The following SMOX variants were observed in gnomAD, a reference collection of about 807,000 sequenced individuals.
The protein encoded by SMOX is flavin containing amine oxidase.
In SMOX, 22 loss-of-function variants were observed where a neutral mutation model predicts 51.0. The ratio of observed to expected loss-of-function variants is 0.43; its 90% confidence interval spans 0.31 to 0.62. SMOX has a LOEUF of 0.62. SMOX is among the 20% of genes least tolerant of loss of function. The probability of loss-of-function intolerance (pLI) is 0.10; values close to 1 mark genes in which losing one functional copy is unlikely to be tolerated. For missense variants in SMOX, 566 were observed against 777.7 expected, an observed-to-expected ratio of 0.73 and a Z score of 3.24; for synonymous variants, 282 against 307.8, an observed-to-expected ratio of 0.92 and a Z score of 0.88.
intron 1 of SMOX, among the ~76,000 whole-genome samples, chr20:4,168,119 A>AGGGG (rs1986648702): frequency 6.3e-5 from 8 of 127,234 alleles, no homozygotes; most frequent in Non-Finnish European, 8.7e-5. Flanking sequence ...AGAGCGGGGT[A>AGGGG]GGGGTGGGGG....
chr20:4,158,493 C>T (rs1986145898), intron 1 of SMOX, among the ~76,000 whole-genome samples: 2 of 152,172 alleles, frequency 1.3e-5, no homozygotes, highest in South Asian at 2.1e-4. Flanking sequence ...TCCAGATTCC[C>T]TTCTTCTCCA....
chr20:4,156,251 C>A (rs1020977965), intron 1 of SMOX, among the ~76,000 whole-genome samples: 4 of 152,070 alleles, frequency 2.6e-5, no homozygotes, highest in African/African-American at 9.7e-5. Context: ...AATGTCCCAC[C>A]CACCAGGAAA....
chr20:4,164,165 G>T (rs1176627982), intron 1 of SMOX, among the ~76,000 whole-genome samples: 1 of 152,126 alleles, frequency 6.6e-6, no homozygotes, highest in Non-Finnish European at 1.5e-5. Context: ...TGTGGGGTAG[G>T]GTGGCTCTCT....
Position 4,187,713 on chromosome 20 carries a change from C to G in SMOX, c.*306C>G. On this transcript the variant is annotated 3_prime_UTR_variant, in exon 7 of 7. Transcript: ENST00000305958. This position sits in a 1 kb window ranked among gnomAD's most constrained non-coding sequence, Gnocchi z 4.8. ...ATTTTGGGATAATAAAAAAGGCTCC[C>G]TCCCCTGCCCCTCAGCTTCTCTCTG... 1 of 272,060 alleles carries G rather than the reference C, an allele frequency of 3.7e-6. No individual in the cohort carries two copies. Among genetic ancestry groups the G allele is most frequent in the Non-Finnish European group, 7.0e-6 (1 of 143,716 alleles). 16.9% of individuals were successfully genotyped at this position (272,060 alleles called of 1,614,324 possible).
At chr20:4,169,468 GA>G (rs1208231060) in intron 1 of SMOX, among the ~76,000 whole-genome samples, 1 of 152,156 alleles carries the variant, frequency 6.6e-6, no homozygotes, top group Non-Finnish European at 1.5e-5. Flanking sequence ...CAATGTTAAA[GA>G]AAGGGCACTG....
chr20:4,171,750 TCATTCCACGGTC>T (rs1161256011), intron 1 of SMOX: 3 of 152,256 alleles, frequency 2.0e-5, no homozygotes, highest in Admixed American at 6.5e-5. Context: ...CTGCCTGCAT[TCATTCCACGGTC>T]CATTCCACAG....
Position 4,187,142 on chromosome 20 carries a change from C to A in SMOX, c.1531-128C>A. On this transcript the variant is annotated intron_variant, in intron 6 of 6. Transcript: ENST00000305958. The surrounding 1 kb of genome is among the most constrained non-coding windows in gnomAD (Gnocchi z 4.8). ...GCAGCTCTTCATCCTGTGGAAGCAG[C>A]AGCACCTGCGTCTCAGAGCCTCTCT... is the stretch of plus-strand genomic sequence containing the variant. The A allele has an allele frequency of 8.2e-7, 1 of 1,212,446 alleles. No individual in the cohort carries two copies. Among genetic ancestry groups the A allele is most frequent in the Non-Finnish European group, 1.1e-6 (1 of 887,606 alleles). The allele number at this position is 1,212,446 out of a possible 1,614,324, so 75.1% of individuals were successfully genotyped here. A position where few individuals can be genotyped will look rare whatever the true frequency, so the allele number is the denominator to read the frequency against.
chr20:4,160,300 C>T (rs1600800921), intron 1 of SMOX, among the ~76,000 whole-genome samples: 1 of 152,230 alleles, frequency 6.6e-6, no homozygotes, highest in South Asian at 2.1e-4. Context: ...CCCCAAGTGC[C>T]TGGCACAGTG....
chr20:4,174,958 C>T (rs74996586), intron 1 of SMOX, 72 bp from the exon 2 acceptor site: 49,185 of 1,455,876 alleles, frequency 0.034, 964 homozygotes, highest in Non-Finnish European at 0.041. Flanking sequence ...TGATGAAAGC[C>T]CTGAGTGTCC....
intron 1 of SMOX, among the ~76,000 whole-genome samples, chr20:4,150,813 T>A (rs1314832861): frequency 6.9e-6 from 1 of 145,144 alleles, no homozygotes; most frequent in Admixed American, 6.9e-5. Flanking sequence ...GAATCGCCCA[T>A]CATCTACTCA....
rs981796108 is a variant in SMOX, at chr20:4,181,534, A to G, written c.436-269A>G. The stretch of plus-strand genomic sequence containing the variant: ...TTCCCACAGACTGTATGGGCACCAA[A>G]TGTTTCACATTGTCCTAAGTGAGGG... On this transcript the variant is annotated intron_variant, in intron 3 of 6. Coordinates refer to ENST00000305958, the MANE Select transcript of SMOX (RefSeq NM_175839.3). The surrounding 1 kb of genome is among the most constrained non-coding windows in gnomAD (Gnocchi z 5.6). Among the ~76,000 whole-genome samples the G allele has an allele frequency of 4.6e-5, 7 of 152,204 alleles. No individual in the cohort carries two copies. The highest frequency in any genetic ancestry group is 8.8e-5 in the Non-Finnish European group (6 of 68,034).
intron 1 of SMOX, among the ~76,000 whole-genome samples, chr20:4,160,317 TA>T (rs1490760136): frequency 1.3e-5 from 2 of 151,834 alleles, no homozygotes; most frequent in Non-Finnish European, 2.9e-5. Context: ...AGTGTGTGCA[TA>T]TCAGTATGTG....
At chr20:4,165,268 C>G (rs1016924372) in intron 1 of SMOX, among the ~76,000 whole-genome samples, 1 of 152,034 alleles carries the variant, frequency 6.6e-6, no homozygotes, top group South Asian at 2.1e-4. Context: ...GTTGGCCAGG[C>G]TGGTCTCGAA....
At position 4,181,760 on chromosome 20, in the gene SMOX, G is replaced by A. The variant is rs199985375; in HGVS notation, c.436-43G>A. The A allele has an allele frequency of 7.5e-6, 12 of 1,594,172 alleles. No individual in the cohort carries two copies. The East Asian group carries it at 2.7e-4, about 36-fold the overall frequency. On this transcript the variant is annotated intron_variant, in intron 3 of 6. Coordinates refer to ENST00000305958, the MANE Select transcript of SMOX (RefSeq NM_175839.3). This position sits in a 1 kb window ranked among gnomAD's most constrained non-coding sequence, Gnocchi z 5.6. ...TTGGGGGCCTTCTGTTTGAGATGGA[G>A]GTGTGATGAGGTGTTTTCAGTCTCA...
rs1014457647 is a variant in SMOX, at chr20:4,183,677, G to A, written c.1530+23G>A. The A allele has an allele frequency of 1.9e-6, 3 of 1,545,772 alleles. No homozygotes were observed. The highest frequency in any genetic ancestry group is 1.8e-4 in the Middle Eastern group (1 of 5,582). On this transcript the variant is annotated intron_variant, in intron 6 of 6. Coordinates refer to ENST00000305958, the MANE Select transcript of SMOX (RefSeq NM_175839.3). This position sits in a 1 kb window ranked among gnomAD's most constrained non-coding sequence, Gnocchi z 4.3. Reference sequence around the variant, plus strand: ...GCGGTAAGCGGGGCGTTTGGGGTGAGGAGGGGAGTTGTGGGTGTATTTTGT... The same window carrying A: ...GCGGTAAGCGGGGCGTTTGGGGTGAAGAGGGGAGTTGTGGGTGTATTTTGT...
At chr20:4,156,028 G>A (rs1310437680) in intron 1 of SMOX, among the ~76,000 whole-genome samples, 1 of 152,098 alleles carries the variant, frequency 6.6e-6, no homozygotes, top group African/African-American at 2.4e-5. Context: ...GGATGGGAGG[G>A]GATAACATTT....
Position 4,183,153 on chromosome 20 carries a change from C to T in SMOX, c.1369+305C>T, listed in dbSNP as rs1979477498. On this transcript the variant is annotated intron_variant, in intron 5 of 6. Coordinates refer to ENST00000305958, the MANE Select transcript of SMOX (RefSeq NM_175839.3). This position sits in a 1 kb window ranked among gnomAD's most constrained non-coding sequence, Gnocchi z 4.3. The stretch of plus-strand genomic sequence containing the variant: ...CTAAGAGCTGGATTTGCCTTTTACT[C>T]TCTGAGTCTTTCAGCTCAACATTTT... 2 of 571,478 alleles carry T rather than the reference C, an allele frequency of 3.5e-6. No individual in the cohort carries two copies. Among genetic ancestry groups the T allele is most frequent in the Non-Finnish European group, 6.2e-6 (2 of 323,964 alleles). 35.4% of individuals were successfully genotyped at this position (571,478 alleles called of 1,614,324 possible).
Position 4,183,527 on chromosome 20 carries a change from T to C in SMOX, c.1403T>C (p.Leu468Ser), listed in dbSNP as rs1274081760. 6.2e-7 allele frequency: 1 copy of C among 1,614,222 alleles called. No individual in the cohort carries two copies. Among genetic ancestry groups the C allele is most frequent in the Non-Finnish European group, 8.5e-7 (1 of 1,180,032 alleles). ...AACATTCCAAAACCTCGGCGAATCT[T>C]GCGCTCGGCCTGGGGCAGCAACCCT... The part of the protein sequence containing the change: ...NPNIPKPRRI[L>S]RSAWGSNPYF... The change falls in exon 6 of 7, where the codon TTG becomes TCG. Residue 468 changes from leucine to serine, a missense_variant. Leu to Ser is a moderately radical substitution (Grantham distance 145, BLOSUM62 -2). Transcript: ENST00000305958. This position sits in a 1 kb window ranked among gnomAD's most constrained non-coding sequence, Gnocchi z 4.3.
chr20:4,184,135 G>A (rs1393172254), intron 6 of SMOX, among the ~76,000 whole-genome samples: 10 of 150,660 alleles, frequency 6.6e-5, no homozygotes, highest in South Asian at 6.3e-4. Context: ...ATGCCGGCAC[G>A]CCACCATGTC....
Sources: allele counts gnomAD v4.1 joint callset (sites outside exome capture counted in the v4.1 genomes callset), GRCh38; gene constraint gnomAD v4.1.1; non-coding constraint Gnocchi (gnomAD v3.1); transcripts MANE v1.5; gene names NCBI Gene and HGNC (gene_info 2026-07-23, HGNC 2026-07-21).